XRN2: variants seen among roughly 807,000 people sequenced by gnomAD.
XRN2 encodes the protein 5'-3' exoribonuclease 2.
Under a neutral mutation model 138.5 loss-of-function variants are expected in XRN2, and 44 were observed. The ratio of observed to expected loss-of-function variants is 0.32; its 90% CI spans 0.25 to 0.41. The LOEUF is 0.41. Ranked by LOEUF, XRN2 falls within the 10% of genes least tolerant of loss-of-function variation. The probability of loss-of-function intolerance (pLI) is 1.00; values close to 1 mark genes in which losing one functional copy is unlikely to be tolerated. For missense variants in XRN2, 937 were observed against 1,169.3 expected (o/e 0.80, Z 2.90); for synonymous variants, 354 against 369.4 (o/e 0.96, Z 0.48).
rs990490355 is a variant in XRN2, at chr20:21,307,206, T to G, written c.75+3733T>G. On this transcript the variant is annotated intron_variant, in intron 1 of 29. Coordinates refer to ENST00000377191, the MANE Select transcript of XRN2 (RefSeq NM_012255.5). ...CTTCCTAGATTTTAAAAAGATCTTTTTCTTGATAGTGTAAACTTTCATTAT... is the reference window on the plus strand; with the variant it reads ...CTTCCTAGATTTTAAAAAGATCTTTGTCTTGATAGTGTAAACTTTCATTAT... Among the ~76,000 whole-genome samples, 2 of 76,246 alleles carry G rather than the reference T, an allele frequency of 2.6e-5. 1 individual carries two copies. The highest frequency in any genetic ancestry group is 7.2e-5 in the African/African-American group (2 of 27,798). 50.0% of individuals were successfully genotyped at this position (76,246 alleles called of 152,430 possible).
At chr20:21,328,972 G>T (rs947403843) in intron 4 of XRN2, among the ~76,000 whole-genome samples, 11 of 152,270 alleles carry the variant, frequency 7.2e-5, no homozygotes, top group African/African-American at 2.6e-4. Flanking sequence ...TGTCTCTGTA[G>T]AATAGAAATA....
intron 28 of XRN2, among the ~76,000 whole-genome samples, chr20:21,384,556 T>A (rs974579305): frequency 6.6e-6 from 1 of 152,212 alleles, no homozygotes; most frequent in Non-Finnish European, 1.5e-5. Flanking sequence ...AATGTCATGA[T>A]CTTGGCTCAC....
At chr20:21,307,073 C>A (rs143384178) in intron 1 of XRN2, among the ~76,000 whole-genome samples, 800 of 76,770 alleles carry the variant, frequency 0.01, 264 homozygotes, top group African/African-American at 0.027. Flanking sequence ...AGCAGGGTCG[C>A]GTATCATACC....
intron 26 of XRN2, among the ~76,000 whole-genome samples, 189 bp downstream of exon 26, chr20:21,365,893 TA>T (rs1309805477): frequency 3.8e-4 from 33 of 87,024 alleles, no homozygotes; most frequent in African/African-American, 1.4e-3. Flanking sequence ...ATATAATATA[TA>T]ATTATATATA....
chr20:21,344,018 G>A (rs2038404664), intron 15 of XRN2, 72 bp from the exon 16 acceptor site: 1 of 1,079,966 alleles, frequency 9.3e-7, no homozygotes, highest in Non-Finnish European at 1.4e-6. Flanking sequence ...GTAAGTAGTG[G>A]TGGTTGGATG....
chr20:21,378,205 C>G (rs1013607754), intron 27 of XRN2, among the ~76,000 whole-genome samples: 5 of 152,160 alleles, frequency 3.3e-5, no homozygotes, highest in African/African-American at 1.2e-4. Flanking sequence ...TCTTTCCTAT[C>G]CTAATTGGAT....
chr20:21,366,632 G>A (rs1432705893), intron 26 of XRN2, among the ~76,000 whole-genome samples: 1 of 151,486 alleles, frequency 6.6e-6, no homozygotes, highest in African/African-American at 2.4e-5. Context: ...TCACCACCAT[G>A]GCAGACCACC....
intron 20 of XRN2, among the ~76,000 whole-genome samples, chr20:21,354,298 G>C (rs1172471262): frequency 6.6e-6 from 1 of 152,140 alleles, no homozygotes; most frequent in Non-Finnish European, 1.5e-5. Context: ...GAATACTATG[G>C]AATTTTAGAG....
chr20:21,303,768 A>T, intron 1 of XRN2: 1 of 1,173,854 alleles, frequency 8.5e-7, no homozygotes, highest in Non-Finnish European at 1.1e-6. Flanking sequence ...GGCCCCGCCC[A>T]CTGCTTTGTT....
chr20:21,358,755 C>G (rs2038603847), intron 24 of XRN2, among the ~76,000 whole-genome samples: 2 of 151,390 alleles, frequency 1.3e-5, no homozygotes, highest in Middle Eastern at 7.0e-3. Flanking sequence ...TTACGTTTAT[C>G]TTTACGTATA....
In XRN2 at chr20:21,375,187, AT is replaced by A. The variant is rs760188095; in HGVS notation, c.2584+6609del. Among the ~76,000 whole-genome samples, 695 of 142,486 alleles carry A rather than the reference AT, an allele frequency of 4.9e-3. 6 individuals carry two copies. Among genetic ancestry groups the A allele is most frequent in the African/African-American group, 0.015 (566 of 38,988 alleles). 93.5% of individuals were successfully genotyped at this position (142,486 alleles called of 152,430 possible). A position where few individuals can be genotyped will look rare whatever the true frequency, so the allele number is the denominator to read the frequency against. ...GATTAGTGTTGCTAGAATCTATTTA[AT>A]TTTTTTTTTTTGAGAACCTATTTAA... On this transcript the variant is annotated intron_variant, in intron 27 of 29. Coordinates refer to ENST00000377191, the MANE Select transcript of XRN2 (RefSeq NM_012255.5).
chr20:21,356,805 A>G (rs1259733012), intron 23 of XRN2, 140 bp downstream of exon 23: 1 of 767,854 alleles, frequency 1.3e-6, no homozygotes, highest in African/African-American at 1.8e-5. Context: ...CTGACTGAAA[A>G]ATGCTTGGGT....
intron 24 of XRN2, 117 bp from the exon 25 acceptor site, chr20:21,365,304 C>T: frequency 7.5e-6 from 7 of 931,506 alleles, no homozygotes; most frequent in Non-Finnish European, 1.1e-5. Context: ...TTTGTCAAAC[C>T]CATTTATTAA....
Position 21,373,757 on chromosome 20 carries a change from G to A in XRN2, c.2584+5167G>A, listed in dbSNP as rs563960156. On this transcript the variant is annotated intron_variant, in intron 27 of 29. Coordinates refer to ENST00000377191, the MANE Select transcript of XRN2 (RefSeq NM_012255.5). ...TGGAGCATTTTTTAAAATGTTTATTGACCATTTGGATATTTTTGTTTGTGT... is the reference window on the plus strand; with the variant it reads ...TGGAGCATTTTTTAAAATGTTTATTAACCATTTGGATATTTTTGTTTGTGT... 9.9e-5 allele frequency among the ~76,000 whole-genome samples: 15 copies of A among 152,200 alleles called. No homozygotes were observed. The South Asian group carries it at 3.1e-3, about 32-fold the overall frequency.
At chr20:21,349,250 A>G (rs2038476747) in intron 19 of XRN2, 139 bp from the exon 20 acceptor site, 2 of 652,434 alleles carry the variant, frequency 3.1e-6, no homozygotes, top group Admixed American at 3.0e-5. Context: ...TAATGACCTA[A>G]TGTCTCTTAA....
Position 21,320,029 on chromosome 20 carries a change from T to C in XRN2, c.76-6250T>C, listed in dbSNP as rs141210523. Reference sequence around the variant, plus strand: ...CTAGAGTCACTTGCTTTAGTAACTTTAGTAAACTTTTTGTAACTTTATAGC... The same window carrying C: ...CTAGAGTCACTTGCTTTAGTAACTTCAGTAAACTTTTTGTAACTTTATAGC... On this transcript the variant is annotated intron_variant, in intron 1 of 29. Coordinates refer to ENST00000377191, the MANE Select transcript of XRN2 (RefSeq NM_012255.5). Among the ~76,000 whole-genome samples the C allele has an allele frequency of 3.3e-3, 509 of 152,290 alleles. 4 individuals are homozygous for C. The highest frequency in any genetic ancestry group is 0.012 in the African/African-American group (488 of 41,580).
intron 1 of XRN2, among the ~76,000 whole-genome samples, chr20:21,304,121 A>G (rs574996103): frequency 2.0e-5 from 3 of 152,274 alleles, no homozygotes; most frequent in African/African-American, 7.2e-5. Flanking sequence ...AAATTTCAAG[A>G]TTACTGGATG....
intron 15 of XRN2, among the ~76,000 whole-genome samples, chr20:21,342,155 A>C (rs891815743): frequency 3.3e-5 from 5 of 152,200 alleles, no homozygotes; most frequent in African/African-American, 9.7e-5. Context: ...TTTGAAGTCA[A>C]ATTACCAGTT....
intron 1 of XRN2, among the ~76,000 whole-genome samples, chr20:21,320,264 C>CATTTATTTATTTATGT (rs1234499717): frequency 1.3e-5 from 1 of 78,976 alleles, no homozygotes; most frequent in African/African-American, 4.1e-5. Flanking sequence ...CTATTGGCAT[C>CATTTATTTATTTATGT]ATTTATTTAT....
Sources: allele counts gnomAD v4.1 joint callset (sites outside exome capture counted in the v4.1 genomes callset), GRCh38; gene constraint gnomAD v4.1.1; transcripts MANE v1.5; gene names NCBI Gene and HGNC (gene_info 2026-07-23, HGNC 2026-07-21).